SPOCD1: variants seen among roughly 807,000 people sequenced by gnomAD.
The protein encoded by SPOCD1 is SPOC domain containing 1.
In SPOCD1, 64 loss-of-function variants were observed where a neutral mutation model predicts 92.2. That is an observed-to-expected ratio of 0.69 (90% confidence interval 0.57 to 0.86). The LOEUF is 0.86. Among genes scored for constraint, SPOCD1 ranks in the 40% least tolerant of loss-of-function variants. The probability of loss-of-function intolerance (pLI) is 0.00; values close to 1 mark genes in which losing one functional copy is unlikely to be tolerated. For missense variants in SPOCD1, 1,360 were observed against 1,543.1 expected, an observed-to-expected ratio of 0.88 and a Z score of 1.99; for synonymous variants, 578 against 619.3, an observed-to-expected ratio of 0.93 and a Z score of 0.99.
chr1:31,798,385 C>T lies in SPOCD1; in HGVS notation c.2028+57G>A, dbSNP rs749612579. 1 of 1,592,274 alleles carries T rather than the reference C, an allele frequency of 6.3e-7. No individual in the cohort carries two copies. Among genetic ancestry groups the T allele is most frequent in the Non-Finnish European group, 8.6e-7 (1 of 1,167,504 alleles). On this transcript the variant is annotated intron_variant, in intron 8 of 15. Coordinates refer to ENST00000360482, the MANE Select transcript of SPOCD1 (RefSeq NM_144569.7). This position sits in a 1 kb window ranked among gnomAD's most constrained non-coding sequence, Gnocchi z 4.1. ...GAAAGAGCTCCCCCACCCTAGCATC[C>T]TGCAGGGGCTCTGAGATTCAGAGAG...
At chr1:31,793,184 G>A (rs1647729094) in intron 13 of SPOCD1, 94 bp downstream of exon 13, 2 of 1,425,588 alleles carry the variant, frequency 1.4e-6, no homozygotes, top group Non-Finnish European at 1.9e-6. Flanking sequence ...CCCATGAATT[G>A]TTTTAGAATG....
rs111559582 is a variant in SPOCD1, at chr1:31,798,420, C to G, written c.2028+22G>C. 7.9e-4 allele frequency: 1,266 copies of G among 1,596,408 alleles called. 13 individuals are homozygous for G. The African/African-American group carries it at 0.015, about 19-fold the overall frequency. ...TCTGAGATTCAGAGAGGGGACGCAG[C>G]CCAGCCCAAAGCCCTGCTCACCAGG... On this transcript the variant is annotated intron_variant, in intron 8 of 15. Coordinates refer to ENST00000360482, the MANE Select transcript of SPOCD1 (RefSeq NM_144569.7). This position sits in a 1 kb window ranked among gnomAD's most constrained non-coding sequence, Gnocchi z 4.1.
intron 1 of SPOCD1, 143 bp from the exon 2 acceptor site, chr1:31,815,515 AG>A: frequency 2.0e-6 from 1 of 509,920 alleles, no homozygotes; most frequent in Non-Finnish European, 3.2e-6. Context: ...CACTCCAGGG[AG>A]GGGAGCACCC....
intron 2 of SPOCD1, among the ~76,000 whole-genome samples, chr1:31,811,559 A>G (rs1649198724): frequency 6.6e-6 from 1 of 152,208 alleles, no homozygotes; most frequent in South Asian, 2.1e-4. Flanking sequence ...AGACATGTCT[A>G]AAGTCACCCT....
chr1:31,791,712 T>C (rs2149094135), intron 15 of SPOCD1, among the ~76,000 whole-genome samples: 1 of 152,330 alleles, frequency 6.6e-6, no homozygotes, highest in South Asian at 2.1e-4. Context: ...CAAGTGTGTG[T>C]AGGTCCTGAC....
At chr1:31,802,474 A>G (rs374428955) in intron 2 of SPOCD1, among the ~76,000 whole-genome samples, 3 of 152,202 alleles carry the variant, frequency 2.0e-5, no homozygotes, top group African/African-American at 7.2e-5. Context: ...TCTGACTCCA[A>G]AGCCCAAGCA....
chr1:31,805,651 G>C (rs373726677), intron 2 of SPOCD1, among the ~76,000 whole-genome samples: 1 of 151,902 alleles, frequency 6.6e-6, no homozygotes, highest in Non-Finnish European at 1.5e-5. Flanking sequence ...TTGTGAGCCC[G>C]GGAGATCAAA....
intron 13 of SPOCD1, 137 bp downstream of exon 13, chr1:31,793,141 T>C (rs1048445549): frequency 2.7e-6 from 3 of 1,114,412 alleles, no homozygotes; most frequent in Admixed American, 5.5e-5. Context: ...TTTGCCCCCA[T>C]GCCCTGCACA....
At chr1:31,799,994 T>C (rs1648324339) in intron 5 of SPOCD1, 22 bp downstream of exon 5, 6 of 1,611,172 alleles carry the variant, frequency 3.7e-6, no homozygotes, top group Non-Finnish European at 5.1e-6. Flanking sequence ...AGGAGGCACA[T>C]GGCCGGGGCA....
intron 11 of SPOCD1, 26 bp downstream of exon 11, chr1:31,794,097 CT>C (rs1218568779): frequency 6.2e-7 from 1 of 1,606,078 alleles, no homozygotes; most frequent in East Asian, 2.2e-5. Context: ...GCTGCCACCC[CT>C]GCACCCCTCC....
chr1:31,807,680 T>G (rs192968697), intron 2 of SPOCD1, among the ~76,000 whole-genome samples: 1 of 151,954 alleles, frequency 6.6e-6, no homozygotes, highest in African/African-American at 2.4e-5. Flanking sequence ...AAGGTGACAT[T>G]GACAACAAAC....
chr1:31,800,753 T>C, intron 3 of SPOCD1, 136 bp from the exon 4 acceptor site: 3 of 751,818 alleles, frequency 4.0e-6, no homozygotes, highest in African/African-American at 1.8e-5. Context: ...AGAACATGCC[T>C]GTCCTGGTCC....
intron 3 of SPOCD1, 137 bp from the exon 4 acceptor site, chr1:31,800,754 G>A: frequency 2.7e-6 from 2 of 746,936 alleles, no homozygotes; most frequent in Non-Finnish European, 4.2e-6. Context: ...GAACATGCCT[G>A]TCCTGGTCCC....
intron 15 of SPOCD1, 58 bp downstream of exon 15, chr1:31,792,157 C>A: frequency 6.5e-7 from 1 of 1,539,442 alleles, no homozygotes; most frequent in Non-Finnish European, 8.8e-7. Flanking sequence ...GTCAACCGTG[C>A]CTGGTCTGGT....
At position 31,814,764 on chromosome 1, in the gene SPOCD1, A is replaced by AGCTG; in HGVS notation, c.569_570insCAGC (p.Gly191SerfsTer30). 1 of 1,613,518 alleles carries AGCTG rather than the reference A, an allele frequency of 6.2e-7. No homozygotes were observed. The highest frequency in any genetic ancestry group is 8.5e-7 in the Non-Finnish European group (1 of 1,179,778). ...CTGGTGAGGATGTCAGGGGCCTTCC[A>AGCTG]GGGGGCTCCTCTTTGCTGAGTGTGG... On this transcript the variant is annotated frameshift_variant, in exon 2 of 16. Coordinates refer to ENST00000360482, the MANE Select transcript of SPOCD1 (RefSeq NM_144569.7). LOFTEE classifies it high-confidence loss of function. This position sits in a 1 kb window ranked among gnomAD's most constrained non-coding sequence, Gnocchi z 4.2.
intron 9 of SPOCD1, among the ~76,000 whole-genome samples, chr1:31,797,619 C>T (rs1177394988): frequency 6.6e-6 from 1 of 152,212 alleles, no homozygotes; most frequent in Non-Finnish European, 1.5e-5. Context: ...GTGCCTCGCC[C>T]CATCCCAGTG....
In SPOCD1 at chr1:31,791,246, T is replaced by C; in HGVS notation, c.3008A>G (p.Glu1003Gly). 1 of 1,576,528 alleles carries C rather than the reference T, an allele frequency of 6.3e-7. No individual in the cohort carries two copies. The highest frequency in any genetic ancestry group is 8.6e-7 in the Non-Finnish European group (1 of 1,159,550). The change falls in exon 16 of 16, where the codon GAG becomes GGG. Residue 1003 changes from glutamate to glycine, a missense_variant. Glu to Gly is a moderately conservative substitution (Grantham distance 98, BLOSUM62 -2). This residue lies in a region of SPOCD1 where 614 missense variants were observed against 757.8 expected (regional missense o/e 0.81). Transcript: ENST00000360482. The part of the protein sequence containing the change: ...PVSPLLSPGL[E>G]VTHSSLLLAV... ...CAGCAACAGACTTGAGTGAGTGACC[T>C]CCAGACCTGGGGAAAGGAGAGGGGA...
chr1:31,814,296 G>C lies in SPOCD1; in HGVS notation c.1038C>G (p.Val346=), dbSNP rs772818564. 6 of 1,575,994 alleles carry C rather than the reference G, an allele frequency of 3.8e-6. No individual in the cohort carries two copies. The highest frequency in any genetic ancestry group is 5.2e-6 in the Non-Finnish European group (6 of 1,157,558). ...GGCCTTCATCGCTGCCAGTCCGCAC[G>C]ACACACACAGCTTCTTGCTGCTCTG... The part of the protein sequence containing the change: ...ASAEQQEAVC[V]VRTGSDEGQA... Residue 346 remains valine, a synonymous_variant, in exon 2 of 16, where the codon GTC becomes GTG. Coordinates refer to ENST00000360482, the MANE Select transcript of SPOCD1 (RefSeq NM_144569.7). This position sits in a 1 kb window ranked among gnomAD's most constrained non-coding sequence, Gnocchi z 4.2.
chr1:31,804,985 C>CTTTTTTTTT (rs1207433481), intron 2 of SPOCD1, among the ~76,000 whole-genome samples: 1,938 of 105,770 alleles, frequency 0.018, 160 homozygotes, highest in African/African-American at 0.052. Context: ...TTCTTTCTTT[C>CTTTTTTTTT]TTTTTTTTTT....
Sources: gnomAD v4.1 joint callset for allele counts (sites outside exome capture counted in the v4.1 genomes callset) on GRCh38, gnomAD v4.1.1 for gene constraint, gnomAD v4.1.1 regional missense constraint, Gnocchi (gnomAD v3.1) non-coding constraint, MANE v1.5 for transcripts, NCBI Gene and HGNC (gene_info 2026-07-23, HGNC 2026-07-21) for gene names.